ST18: variants seen among roughly 807,000 people sequenced by gnomAD.
The protein encoded by ST18 is ST18 C2H2C-type zinc finger transcription factor.
In ST18, 50 loss-of-function variants were observed where a neutral mutation model predicts 110.0. That is an observed-to-expected ratio of 0.45 (90% CI 0.36 to 0.58). The LOEUF (loss-of-function observed/expected upper bound fraction) is 0.58, where lower values mean the gene tolerates loss of function less well. Ranked by LOEUF, ST18 falls within the 20% of genes least tolerant of loss-of-function variation. The pLI is 0.00. For synonymous variants in ST18, 461 were observed against 452.4 expected (o/e 1.02, Z -0.24); for missense variants, 1,306 against 1,280.1 (o/e 1.02, Z -0.31).
rs549438959 is a variant in ST18, at chr8:52,216,445, TAAG to T, written c.-1+1298_-1+1300del. On this transcript the variant is annotated intron_variant, in intron 6 of 25. Transcript: ENST00000689386. ...AAAACTGAGAACTCATTCATAGAAT[TAAG>T]TTTTCAAATTTAACTTGTGGGTCAA... is the stretch of plus-strand genomic sequence containing the variant. Among the ~76,000 whole-genome samples the T allele has an allele frequency of 4.7e-3, 722 of 152,346 alleles. 1 individual carries two copies. The highest frequency in any genetic ancestry group is 8.7e-3 in the Non-Finnish European group (593 of 68,038).
At chr8:52,218,490 C>G (rs991617056) in intron 5 of ST18, among the ~76,000 whole-genome samples, 2 of 149,924 alleles carry the variant, frequency 1.3e-5, no homozygotes, top group African/African-American at 4.9e-5. Context: ...CGGGTTCAAG[C>G]GGTTCTCCTG....
chr8:52,159,103 T>C lies in ST18; in HGVS notation c.1601A>G (p.His534Arg). 8 of 1,613,714 alleles carry C rather than the reference T, an allele frequency of 5.0e-6. No individual in the cohort carries two copies. Among genetic ancestry groups the C allele is most frequent in the Non-Finnish European group, 6.8e-6 (8 of 1,179,954 alleles). ...RKTPPFPESK[H>R]FPNPVKFPNR... ...AGGAAATTTCACTGGATTTGGAAAA[T>C]GCTTTGCTGTTGAAGAGAGATTTGA... The change falls in exon 15 of 26, where the codon CAT (histidine) becomes CGT (arginine). Residue 534 changes from histidine (H) to arginine (R), a missense_variant. Coordinates refer to ENST00000689386, the MANE Select transcript of ST18 (RefSeq NM_001352837.2).
At chr8:52,214,667 T>C (rs1040054539) in intron 6 of ST18, among the ~76,000 whole-genome samples, 2 of 152,194 alleles carry the variant, frequency 1.3e-5, no homozygotes, top group African/African-American at 4.8e-5. Context: ...TCCTGATACA[T>C]ATCTCTTTCT....
At chr8:52,196,774 C>T (rs2076321168) in intron 8 of ST18, among the ~76,000 whole-genome samples, 1 of 152,126 alleles carries the variant, frequency 6.6e-6, no homozygotes, top group South Asian at 2.1e-4. Flanking sequence ...TTTCAGGCAG[C>T]CACTGGGGTC....
chr8:52,132,292 T>A, intron 21 of ST18, 113 bp from the exon 22 acceptor site: 1 of 896,398 alleles, frequency 1.1e-6, no homozygotes, highest in Non-Finnish European at 1.6e-6. Flanking sequence ...CCACCATAAC[T>A]AGCAAAACAG....
At chr8:52,374,690 A>G (rs747876865) in intron 2 of ST18, among the ~76,000 whole-genome samples, 1 of 150,258 alleles carries the variant, frequency 6.7e-6, no homozygotes, top group African/African-American at 2.5e-5. Context: ...ACTCCCCCAT[A>G]CCCCCCTGAC....
intron 17 of ST18, among the ~76,000 whole-genome samples, chr8:52,139,831 C>T (rs1422110727): frequency 5.9e-5 from 9 of 152,120 alleles, no homozygotes. Context: ...AAATAAAGAA[C>T]TGGAGACAAC....
intron 17 of ST18, among the ~76,000 whole-genome samples, chr8:52,139,402 C>G (rs140534140): frequency 0.013 from 1,994 of 151,978 alleles, 57 homozygotes; most frequent in African/African-American, 0.046. Context: ...GTCGCTCAGG[C>G]TGGAGTACAG....
chr8:52,165,064 A>G (rs1196233964), intron 12 of ST18, 71 bp downstream of exon 12: 1 of 1,462,980 alleles, frequency 6.8e-7, no homozygotes, highest in African/African-American at 1.4e-5. Flanking sequence ...TTGGTAACCC[A>G]TTATTTTATT....
chr8:52,362,201 C>A (rs1262007914), intron 2 of ST18, among the ~76,000 whole-genome samples: 2 of 152,150 alleles, frequency 1.3e-5, no homozygotes, highest in Admixed American at 6.5e-5. Flanking sequence ...AATGTGATGT[C>A]ATTTCACAGA....
At chr8:52,225,209 C>A (rs1303758231) in intron 3 of ST18, among the ~76,000 whole-genome samples, 5 of 152,204 alleles carry the variant, frequency 3.3e-5, no homozygotes, top group African/African-American at 4.8e-5. Flanking sequence ...ATATTTCTCT[C>A]TGCAAGATGA....
chr8:52,205,706 T>A (rs907703100), intron 8 of ST18, among the ~76,000 whole-genome samples: 10 of 152,110 alleles, frequency 6.6e-5, no homozygotes, highest in Non-Finnish European at 1.5e-4. Flanking sequence ...TAGATGGGAT[T>A]ACAGGTGCGT....
chr8:52,233,657 A>T (rs1229987309), intron 2 of ST18, among the ~76,000 whole-genome samples: 1 of 152,174 alleles, frequency 6.6e-6, no homozygotes, highest in African/African-American at 2.4e-5. Flanking sequence ...AGGTCCGTAC[A>T]GTTTATATCA....
intron 2 of ST18, among the ~76,000 whole-genome samples, chr8:52,299,671 TG>T (rs571085358): frequency 3.2e-4 from 49 of 152,362 alleles, no homozygotes; most frequent in African/African-American, 1.2e-3. Context: ...AGCCAGTTTT[TG>T]TTTGCTCTTC....
intron 8 of ST18, among the ~76,000 whole-genome samples, chr8:52,195,975 AT>A (rs1479605976): frequency 1.3e-5 from 2 of 152,352 alleles, no homozygotes; most frequent in East Asian, 3.9e-4. Context: ...ATTCACAAAC[AT>A]CTAGTTTTAG....
At chr8:52,169,012 G>A (rs137870285) in intron 10 of ST18, among the ~76,000 whole-genome samples, 2,286 of 152,180 alleles carry the variant, frequency 0.015, 28 homozygotes, top group Middle Eastern at 0.027. Flanking sequence ...GATTGGCGTC[G>A]CACACTTCCC....
chr8:52,309,319 G>A (rs1431282068), intron 2 of ST18, among the ~76,000 whole-genome samples: 2 of 152,096 alleles, frequency 1.3e-5, no homozygotes, highest in South Asian at 2.1e-4. Flanking sequence ...TCAGGATTTC[G>A]AGACCAGCCT....
At chr8:52,180,568 G>T in intron 8 of ST18, among the ~76,000 whole-genome samples, 1 of 151,412 alleles carries the variant, frequency 6.6e-6, no homozygotes. Context: ...TCTGTGCTTT[G>T]CTTGGCACTA....
At chr8:52,178,386 G>C (rs2067744738) in intron 9 of ST18, among the ~76,000 whole-genome samples, 2 of 151,662 alleles carry the variant, frequency 1.3e-5, no homozygotes, top group South Asian at 4.2e-4. Flanking sequence ...CCAGCACTTT[G>C]GGAGGCTGAG....
Sources: allele counts gnomAD v4.1 joint callset (sites outside exome capture counted in the v4.1 genomes callset), GRCh38; gene constraint gnomAD v4.1.1; transcripts MANE v1.5; gene names NCBI Gene and HGNC (gene_info 2026-07-23, HGNC 2026-07-21).